Variants in NKAIN2 observed in about 807,000 individuals in gnomAD.
NKAIN2 encodes the protein sodium/potassium-transporting ATPase subunit beta-1-interacting protein 2.
A neutral mutation model predicts 32.6 loss-of-function variants in NKAIN2; 14 were observed. The ratio of observed to expected loss-of-function variants is 0.43; its 90% CI spans 0.28 to 0.67. The LOEUF is 0.67. NKAIN2 is among the 30% of genes least tolerant of loss of function. NKAIN2 has a pLI of 0.17. For missense variants in NKAIN2, 198 were observed against 258.3 expected, an observed-to-expected ratio of 0.77 and a Z score of 1.60; for synonymous variants, 80 against 87.2, an observed-to-expected ratio of 0.92 and a Z score of 0.46.
At chr6:124,517,768 C>T (rs916340102) in intron 3 of NKAIN2, among the ~76,000 whole-genome samples, 1 of 151,948 alleles carries the variant, frequency 6.6e-6, no homozygotes, top group Non-Finnish European at 1.5e-5. Flanking sequence ...AATTTTAAAG[C>T]AAAATGTTGA....
chr6:124,733,982 A>G (rs1347125395), intron 4 of NKAIN2, among the ~76,000 whole-genome samples: 1 of 151,404 alleles, frequency 6.6e-6, no homozygotes, highest in Non-Finnish European at 1.5e-5. Context: ...ATCTTGGAAA[A>G]ATAACTCATT....
At chr6:124,028,736 CGTATATAT>C (rs1781240388) in intron 1 of NKAIN2, among the ~76,000 whole-genome samples, 5 of 142,564 alleles carry the variant, frequency 3.5e-5, no homozygotes, top group African/African-American at 1.4e-4. Flanking sequence ...CGTGTATACA[CGTATATAT>C]GTGTATATAT....
chr6:124,148,393 C>T (rs1787528471), intron 1 of NKAIN2, among the ~76,000 whole-genome samples: 1 of 152,078 alleles, frequency 6.6e-6, no homozygotes, highest in Admixed American at 6.6e-5. Context: ...TCTCCATTAA[C>T]ATTCCTTCCT....
At chr6:124,711,647 C>G (rs1300233704) in intron 4 of NKAIN2, among the ~76,000 whole-genome samples, 6 of 151,214 alleles carry the variant, frequency 4.0e-5, no homozygotes, top group Admixed American at 6.6e-5. Context: ...ACGTAGTTCT[C>G]GAGCCTTGGT....
At chr6:124,804,117 C>A (rs888074515) in intron 5 of NKAIN2, among the ~76,000 whole-genome samples, 1 of 152,156 alleles carries the variant, frequency 6.6e-6, no homozygotes, top group South Asian at 2.1e-4. Flanking sequence ...CAAAGCCCCC[C>A]ATCTTGATGC....
At chr6:123,822,783 A>G (rs1355960062) in intron 1 of NKAIN2, among the ~76,000 whole-genome samples, 1 of 152,168 alleles carries the variant, frequency 6.6e-6, no homozygotes, top group Non-Finnish European at 1.5e-5. Flanking sequence ...CTTTGCACAA[A>G]TTATTTCTCT....
At chr6:124,581,153 C>T (rs1781503544) in intron 3 of NKAIN2, among the ~76,000 whole-genome samples, 1 of 152,094 alleles carries the variant, frequency 6.6e-6, no homozygotes, top group Non-Finnish European at 1.5e-5. Flanking sequence ...AATAAAGAAA[C>T]ATTGGGCCGG....
At chr6:123,886,588 T>A (rs1308628352) in intron 1 of NKAIN2, among the ~76,000 whole-genome samples, 1 of 152,154 alleles carries the variant, frequency 6.6e-6, no homozygotes, top group Non-Finnish European at 1.5e-5. Context: ...AAATTGCTGA[T>A]TAAACAAAGA....
chr6:124,141,238 C>T (rs1003776655), intron 1 of NKAIN2, among the ~76,000 whole-genome samples: 2 of 152,078 alleles, frequency 1.3e-5, no homozygotes, highest in African/African-American at 4.8e-5. Context: ...TGAAAATTCC[C>T]TGTGCTTATT....
At chr6:124,175,332 T>G (rs975204626) in intron 1 of NKAIN2, among the ~76,000 whole-genome samples, 5 of 152,156 alleles carry the variant, frequency 3.3e-5, no homozygotes, top group Non-Finnish European at 7.4e-5. Flanking sequence ...AAGAACAATA[T>G]TATGCTTCAG....
chr6:124,059,314 T>C (rs1190793825), intron 1 of NKAIN2, among the ~76,000 whole-genome samples: 1 of 152,118 alleles, frequency 6.6e-6, no homozygotes. Context: ...TTCTCCTTTG[T>C]TCGGTTATGC....
At chr6:124,288,197 T>G (rs2114937627) in intron 2 of NKAIN2, among the ~76,000 whole-genome samples, 1 of 152,300 alleles carries the variant, frequency 6.6e-6, no homozygotes, top group South Asian at 2.1e-4. Context: ...TTGACACAAC[T>G]TTTGTTCAAA....
intron 1 of NKAIN2, among the ~76,000 whole-genome samples, chr6:123,968,232 C>T (rs1323567009): frequency 2.0e-5 from 3 of 152,138 alleles, no homozygotes; most frequent in Admixed American, 1.3e-4. Context: ...GGAGCACTTG[C>T]ACTGAGAGCA....
chr6:124,372,872 G>A (rs1445843771), intron 3 of NKAIN2, among the ~76,000 whole-genome samples: 1 of 152,064 alleles, frequency 6.6e-6, no homozygotes, highest in Non-Finnish European at 1.5e-5. Flanking sequence ...ACATTTGATT[G>A]AACTTAAGCA....
At chr6:124,274,305 T>C (rs1794930836) in intron 1 of NKAIN2, among the ~76,000 whole-genome samples, 1 of 152,190 alleles carries the variant, frequency 6.6e-6, no homozygotes, top group African/African-American at 2.4e-5. Flanking sequence ...ATGGTTATTT[T>C]ATAAGGTCAT....
At position 124,173,979 on chromosome 6, in the gene NKAIN2, A is replaced by G. The variant is rs113789080; in HGVS notation, c.55-109026A>G. Among the ~76,000 whole-genome samples, 892 of 152,254 alleles carry G rather than the reference A, an allele frequency of 5.9e-3. 12 individuals are homozygous for G. The highest frequency in any genetic ancestry group is 0.018 in the African/African-American group (752 of 41,562). On this transcript the variant is annotated intron_variant, in intron 1 of 6. Coordinates refer to ENST00000368417, the MANE Select transcript of NKAIN2 (RefSeq NM_001040214.3). Reference sequence around the variant, plus strand: ...ATGCCGAAGGATACTGTTTACATTCATGTATAGCATGCAATAGGGATTTTG... The same window carrying G: ...ATGCCGAAGGATACTGTTTACATTCGTGTATAGCATGCAATAGGGATTTTG...
intron 4 of NKAIN2, among the ~76,000 whole-genome samples, chr6:124,668,964 G>A (rs1334509618): frequency 6.6e-6 from 1 of 152,044 alleles, no homozygotes; most frequent in Non-Finnish European, 1.5e-5. Context: ...ATGTTCTTTG[G>A]TTCAAACTTG....
intron 1 of NKAIN2, among the ~76,000 whole-genome samples, chr6:124,000,518 T>C (rs1476277104): frequency 6.6e-6 from 1 of 152,098 alleles, no homozygotes; most frequent in African/African-American, 2.4e-5. Context: ...TGAGGAACAA[T>C]ATAAATTTCA....
chr6:124,279,761 A>G (rs1430448717), intron 1 of NKAIN2, among the ~76,000 whole-genome samples: 1 of 152,154 alleles, frequency 6.6e-6, no homozygotes, highest in African/African-American at 2.4e-5. Flanking sequence ...ATATAAAAGG[A>G]TAATGACAAA....
Sources: gnomAD v4.1 joint callset for allele counts (sites outside exome capture counted in the v4.1 genomes callset) on GRCh38, gnomAD v4.1.1 for gene constraint, MANE v1.5 for transcripts, NCBI Gene and HGNC (gene_info 2026-07-23, HGNC 2026-07-21) for gene names.